Variants in CAMK2D observed in about 807,000 individuals in gnomAD.
CAMK2D encodes the protein calcium/calmodulin dependent protein kinase II delta, also known as calcium/calmodulin-dependent protein kinase type II subunit delta.
A neutral mutation model predicts 84.0 loss-of-function variants in CAMK2D; 37 were observed. The ratio of observed to expected loss-of-function variants is 0.44; its 90% CI spans 0.34 to 0.58. CAMK2D has a LOEUF of 0.58. Among genes scored for constraint, CAMK2D ranks in the 20% least tolerant of loss-of-function variants. CAMK2D has a pLI of 0.02. For synonymous variants in CAMK2D, 202 were observed against 212.5 expected (o/e 0.95, Z 0.43); for missense variants, 448 against 652.5 (o/e 0.69, Z 3.41).
chr4:113,501,249 T>C (rs1225914349), intron 15 of CAMK2D, among the ~76,000 whole-genome samples: 1 of 145,414 alleles, frequency 6.9e-6, no homozygotes, highest in East Asian at 2.3e-4. Flanking sequence ...AAGTGGAAGA[T>C]TGTTAAGCAC....
chr4:113,480,657 A>G (rs1254558879), intron 16 of CAMK2D, among the ~76,000 whole-genome samples: 2 of 152,140 alleles, frequency 1.3e-5, no homozygotes, highest in Non-Finnish European at 2.9e-5. Flanking sequence ...CTTGGCAAAC[A>G]TGGTGAAACC....
chr4:113,753,078 A>G (rs2099620985), intron 2 of CAMK2D, among the ~76,000 whole-genome samples: 1 of 152,084 alleles, frequency 6.6e-6, no homozygotes, highest in African/African-American at 2.4e-5. Context: ...TTACAGTCAG[A>G]GAAAACCAGA....
At chr4:113,628,576 G>A (rs17046295) in intron 3 of CAMK2D, among the ~76,000 whole-genome samples, 7,827 of 152,062 alleles carry the variant, frequency 0.051, 589 homozygotes, top group African/African-American at 0.16. Flanking sequence ...CTGGTACAAA[G>A]CCTCTGGGCA....
At chr4:113,742,111 T>G (rs2099594437) in intron 2 of CAMK2D, among the ~76,000 whole-genome samples, 1 of 152,136 alleles carries the variant, frequency 6.6e-6, no homozygotes, top group South Asian at 2.1e-4. Context: ...ACCCCCTGAA[T>G]CAAGAACTGT....
At chr4:113,744,296 C>T (rs2099599537) in intron 2 of CAMK2D, among the ~76,000 whole-genome samples, 1 of 152,202 alleles carries the variant, frequency 6.6e-6, no homozygotes. Flanking sequence ...AAGTAACAGT[C>T]TAATGACCCA....
At chr4:113,545,391 C>A (rs2098558170) in intron 6 of CAMK2D, among the ~76,000 whole-genome samples, 1 of 152,046 alleles carries the variant, frequency 6.6e-6, no homozygotes, top group African/African-American at 2.4e-5. Flanking sequence ...TATCGCACAT[C>A]AATTAACATA....
At chr4:113,739,010 T>A (rs1033489790) in intron 2 of CAMK2D, among the ~76,000 whole-genome samples, 1 of 152,200 alleles carries the variant, frequency 6.6e-6, no homozygotes, top group Admixed American at 6.5e-5. Flanking sequence ...TGCAACTTTC[T>A]TTGTTCTTTT....
intron 3 of CAMK2D, among the ~76,000 whole-genome samples, chr4:113,650,041 G>A (rs538470319): frequency 6.6e-6 from 1 of 152,112 alleles, no homozygotes; most frequent in East Asian, 1.9e-4. Flanking sequence ...AGCCAAGATC[G>A]TGCCACTGCC....
At chr4:113,603,734 ATTTC>A (rs2098964120) in intron 4 of CAMK2D, among the ~76,000 whole-genome samples, 1 of 144,952 alleles carries the variant, frequency 6.9e-6, no homozygotes, top group South Asian at 2.1e-4. Flanking sequence ...TTGCTATTAT[ATTTC>A]TTTATATATA....
chr4:113,625,482 G>C (rs576693984), intron 3 of CAMK2D, among the ~76,000 whole-genome samples: 1 of 152,162 alleles, frequency 6.6e-6, no homozygotes, highest in Non-Finnish European at 1.5e-5. Flanking sequence ...ATTTTAAGGA[G>C]AGACCAGAAG....
chr4:113,670,249 T>G (rs1260139162), intron 2 of CAMK2D, among the ~76,000 whole-genome samples: 1 of 152,018 alleles, frequency 6.6e-6, no homozygotes, highest in African/African-American at 2.4e-5. Context: ...GCCAGTGCAT[T>G]CCAGCCTGGC....
intron 2 of CAMK2D, among the ~76,000 whole-genome samples, chr4:113,717,410 T>C (rs1277185816): frequency 6.6e-6 from 1 of 152,144 alleles, no homozygotes; most frequent in Non-Finnish European, 1.5e-5. Context: ...AGGAACCTTT[T>C]GGATAATCTC....
At chr4:113,503,422 G>C in intron 14 of CAMK2D, 1 of 373,028 alleles carries the variant, frequency 2.7e-6, no homozygotes, top group East Asian at 6.2e-5. Context: ...TTTGAAACTC[G>C]ATTATGGTGT....
At chr4:113,688,204 T>C (rs1296052068) in intron 2 of CAMK2D, among the ~76,000 whole-genome samples, 1 of 152,138 alleles carries the variant, frequency 6.6e-6, no homozygotes. Context: ...AACTAATGGA[T>C]CTCTCCTTAA....
chr4:113,667,050 C>G (rs1195980618), intron 2 of CAMK2D, among the ~76,000 whole-genome samples: 1 of 152,176 alleles, frequency 6.6e-6, no homozygotes, highest in African/African-American at 2.4e-5. Flanking sequence ...AAACTACAGC[C>G]TCGAGTAAGA....
chr4:113,507,352 G>A (rs977890679), intron 13 of CAMK2D, among the ~76,000 whole-genome samples: 2 of 151,824 alleles, frequency 1.3e-5, no homozygotes, highest in African/African-American at 4.8e-5. Flanking sequence ...CTGGGTTCAA[G>A]TGATTCTCCC....
chr4:113,748,081 C>G, intron 2 of CAMK2D, among the ~76,000 whole-genome samples: 1 of 152,046 alleles, frequency 6.6e-6, no homozygotes, highest in Admixed American at 6.6e-5. Flanking sequence ...GTTCAAACAT[C>G]AGCTCCTCTA....
chr4:113,710,367 A>G (rs1340342585), intron 2 of CAMK2D, among the ~76,000 whole-genome samples: 1 of 152,118 alleles, frequency 6.6e-6, no homozygotes, highest in Non-Finnish European at 1.5e-5. Flanking sequence ...AAAGCCAAGG[A>G]ACTAAAATTA....
At chr4:113,558,643 T>G (rs1248242593) in intron 4 of CAMK2D, among the ~76,000 whole-genome samples, 3 of 152,224 alleles carry the variant, frequency 2.0e-5, no homozygotes, top group Non-Finnish European at 4.4e-5. Context: ...GGAACAACTG[T>G]AATACATACA....
Sources: allele counts gnomAD v4.1 joint callset (sites outside exome capture counted in the v4.1 genomes callset), GRCh38; gene constraint gnomAD v4.1.1; transcripts MANE v1.5; gene names NCBI Gene and HGNC (gene_info 2026-07-23, HGNC 2026-07-21).